CEP128: variants seen among roughly 807,000 people sequenced by gnomAD.
The protein encoded by CEP128 is centrosomal protein 128kDa.
In CEP128, 132 loss-of-function variants were observed where a neutral mutation model predicts 156.7. The observed-to-expected ratio is 0.84, with a 90% CI of 0.73 to 0.97. CEP128 has a LOEUF of 0.97. Among genes scored for constraint, CEP128 ranks in the 50% least tolerant of loss-of-function variants. The pLI, the probability that CEP128 is intolerant of heterozygous loss-of-function variation, is 0.00. For synonymous variants in CEP128, 469 were observed against 448.9 expected (o/e 1.04, Z -0.57); for missense variants, 1,252 against 1,281.9 (o/e 0.98, Z 0.36).
At chr14:80,736,971 C>T (rs987382241) in intron 19 of CEP128, among the ~76,000 whole-genome samples, 1 of 152,080 alleles carries the variant, frequency 6.6e-6, no homozygotes, top group Non-Finnish European at 1.5e-5. Flanking sequence ...TAACAGAAAA[C>T]ATATGAGAAA....
At chr14:80,941,135 A>G (rs527888574) in intron 1 of CEP128, among the ~76,000 whole-genome samples, 33 of 152,260 alleles carry the variant, frequency 2.2e-4, no homozygotes, top group African/African-American at 7.9e-4. Flanking sequence ...TCACTAATAA[A>G]GCGTTCCCGA....
intron 9 of CEP128, among the ~76,000 whole-genome samples, chr14:80,846,833 T>C (rs1036149479): frequency 6.6e-6 from 1 of 152,204 alleles, no homozygotes; most frequent in African/African-American, 2.4e-5. Flanking sequence ...ATCCAAAAGC[T>C]AACAGCTGGC....
intron 19 of CEP128, among the ~76,000 whole-genome samples, chr14:80,686,068 C>T (rs1380794992): frequency 1.3e-5 from 2 of 151,930 alleles, no homozygotes; most frequent in Admixed American, 6.6e-5. Flanking sequence ...TTATTAGAAG[C>T]CCTCAAAAGA....
intron 23 of CEP128, among the ~76,000 whole-genome samples, chr14:80,508,739 T>C (rs1221016699): frequency 6.6e-6 from 1 of 152,180 alleles, no homozygotes; most frequent in Non-Finnish European, 1.5e-5. Context: ...TTCATAACAT[T>C]TACTAAACAT....
intron 23 of CEP128, among the ~76,000 whole-genome samples, chr14:80,506,748 A>T (rs552280378): frequency 3.3e-5 from 5 of 152,336 alleles, no homozygotes; most frequent in African/African-American, 1.2e-4. Context: ...CAAACATTTT[A>T]AAAATATTTT....
intron 23 of CEP128, among the ~76,000 whole-genome samples, chr14:80,517,449 TA>T (rs533018638): frequency 1.8e-4 from 28 of 152,342 alleles, no homozygotes; most frequent in African/African-American, 6.3e-4. Flanking sequence ...ACATATTTTC[TA>T]ATTTTTCTTT....
rs558163920 is a variant in CEP128 at position 80,724,608 on chromosome 14, C to G, written c.2806+18467G>C. Among the ~76,000 whole-genome samples the G allele has an allele frequency of 2.0e-5, 3 of 152,010 alleles. No individual in the cohort carries two copies. In the South Asian group the frequency reaches 6.2e-4, roughly 32 times the overall value. ...AAGCTTTTAGATTATTCTATGTTTACCTTAACGATAAAGACACATACTAGA... is the reference window on the plus strand; with the variant it reads ...AAGCTTTTAGATTATTCTATGTTTAGCTTAACGATAAAGACACATACTAGA... On this transcript the variant is annotated intron_variant, in intron 19 of 24. Coordinates refer to ENST00000555265, the MANE Select transcript of CEP128 (RefSeq NM_152446.5).
At chr14:80,912,349 TATC>T (rs1225366299) in intron 4 of CEP128, among the ~76,000 whole-genome samples, 10 of 152,272 alleles carry the variant, frequency 6.6e-5, no homozygotes, top group African/African-American at 2.4e-4. Context: ...CTATGGAATA[TATC>T]ATACCTCAAA....
At chr14:80,763,180 G>C (rs1900056224) in intron 16 of CEP128, among the ~76,000 whole-genome samples, 1 of 152,162 alleles carries the variant, frequency 6.6e-6, no homozygotes, top group Non-Finnish European at 1.5e-5. Context: ...TCCGGCTAAT[G>C]AAAGTCCAGC....
At chr14:80,793,187 T>A (rs1262975215) in intron 13 of CEP128, 77 bp from the exon 14 acceptor site, 1 of 1,057,758 alleles carries the variant, frequency 9.5e-7, no homozygotes, top group Non-Finnish European at 1.4e-6. Flanking sequence ...CAAACAAGAA[T>A]CTCTAATGTC....
intron 9 of CEP128, among the ~76,000 whole-genome samples, chr14:80,851,205 C>G (rs1595496668): frequency 6.6e-6 from 1 of 152,050 alleles, no homozygotes; most frequent in African/African-American, 2.4e-5. Context: ...CAAGGGTAAA[C>G]GAGATGCACA....
chr14:80,764,477 G>A (rs1270793327), intron 16 of CEP128, among the ~76,000 whole-genome samples: 1 of 151,030 alleles, frequency 6.6e-6, no homozygotes, highest in Non-Finnish European at 1.5e-5. Flanking sequence ...CCGCAGTCCG[G>A]CCTGGGCGAC....
At chr14:80,898,062 G>A (rs1253137471) in intron 7 of CEP128, among the ~76,000 whole-genome samples, 4 of 152,228 alleles carry the variant, frequency 2.6e-5, no homozygotes, top group African/African-American at 4.8e-5. Context: ...TTATGGGCCT[G>A]AGCCACTGTG....
At chr14:80,564,920 G>A (rs532207245) in intron 20 of CEP128, among the ~76,000 whole-genome samples, 7 of 152,210 alleles carry the variant, frequency 4.6e-5, no homozygotes, top group Admixed American at 1.3e-4. Context: ...TTAGTCAGGC[G>A]TGGTGGCAGG....
intron 19 of CEP128, among the ~76,000 whole-genome samples, chr14:80,593,460 G>A (rs1289062034): frequency 1.4e-5 from 2 of 147,552 alleles, no homozygotes; most frequent in South Asian, 2.2e-4. Context: ...AGAATGGTGT[G>A]AACCCAGGAG....
At chr14:80,491,742 T>G (rs1201706365), downstream of CEP128, among the ~76,000 whole-genome samples, 2 of 152,106 alleles carry the variant, frequency 1.3e-5, no homozygotes, top group Admixed American at 1.3e-4. Context: ...ACATGAAGGA[T>G]TACTGCAACT....
At chr14:80,662,818 A>G (rs756082445) in intron 19 of CEP128, among the ~76,000 whole-genome samples, 2 of 152,168 alleles carry the variant, frequency 1.3e-5, no homozygotes, top group African/African-American at 2.4e-5. Context: ...TTTACAATAG[A>G]ACTTTCTGCA....
At chr14:80,653,873 G>A (rs569892213) in intron 19 of CEP128, among the ~76,000 whole-genome samples, 1 of 152,192 alleles carries the variant, frequency 6.6e-6, no homozygotes, top group African/African-American at 2.4e-5. Context: ...ACAGAACAGT[G>A]AATATAGTAC....
intron 14 of CEP128, among the ~76,000 whole-genome samples, chr14:80,485,408 T>G (rs1010181631): frequency 1.3e-5 from 2 of 152,092 alleles, no homozygotes; most frequent in African/African-American, 2.4e-5. Flanking sequence ...CATTCCTTTT[T>G]CTGAGAAGAG....
Sources: allele counts gnomAD v4.1 joint callset (sites outside exome capture counted in the v4.1 genomes callset), GRCh38; gene constraint gnomAD v4.1.1; transcripts MANE v1.5; gene names NCBI Gene and HGNC (gene_info 2026-07-23, HGNC 2026-07-21).